ODF2L: variants seen among roughly 807,000 people sequenced by gnomAD.
ODF2L encodes protein BCAP.
ODF2L carries 76 observed loss-of-function variants against 86.3 expected under a neutral mutation model. That is an observed-to-expected ratio of 0.88 (90% CI 0.73 to 1.07). ODF2L has a LOEUF of 1.07. Ranked by LOEUF, ODF2L falls within the 50% of genes least tolerant of loss-of-function variation. ODF2L has a pLI of 0.00. For synonymous variants in ODF2L, 241 were observed against 231.3 expected (o/e 1.04, Z -0.38); for missense variants, 748 against 717.4 (o/e 1.04, Z -0.49).
intron 3 of ODF2L, among the ~76,000 whole-genome samples, chr1:86,385,113 T>C (rs1359304127): frequency 6.6e-6 from 1 of 151,968 alleles, no homozygotes; most frequent in Non-Finnish European, 1.5e-5. Context: ...AAAATAGTTA[T>C]CTACTCCAAA....
intron 16 of ODF2L, among the ~76,000 whole-genome samples, chr1:86,353,291 T>G (rs981488364): frequency 1.4e-4 from 22 of 152,176 alleles, no homozygotes; most frequent in Admixed American, 1.2e-3. Context: ...ATTACCATTT[T>G]TATAGCATTT....
At chr1:86,383,947 A>G (rs534004089) in intron 4 of ODF2L, among the ~76,000 whole-genome samples, 1 of 151,948 alleles carries the variant, frequency 6.6e-6, no homozygotes, top group South Asian at 2.1e-4. Flanking sequence ...CCACGTATAT[A>G]TGCACACGTA....
At chr1:86,380,648 C>A (rs1445874908) in intron 7 of ODF2L, among the ~76,000 whole-genome samples, 1 of 152,108 alleles carries the variant, frequency 6.6e-6, no homozygotes, top group Non-Finnish European at 1.5e-5. Flanking sequence ...TTAAAAATAA[C>A]CTCTCATTTG....
At chr1:86,372,503 G>T in exon 9 of ODF2L, 1 of 1,525,424 alleles carries the variant, frequency 6.6e-7, no homozygotes, top group Non-Finnish European at 8.8e-7. Flanking sequence ...ACTTTTCCAG[G>T]CATTGGAAGC....
Position 86,385,596 on chromosome 1 carries a change from T to G in ODF2L, c.114-6A>C, listed in dbSNP as rs369357155. On this transcript the variant is annotated splice_polypyrimidine_tract_variant and splice_region_variant and intron_variant, in intron 2 of 17. Transcript: ENST00000317336. ...TTAGAATGTCCTGCTTCAGGCTAAT[T>G]ACAAATGCACATACAAAATTTAAGT... 6.2e-7 allele frequency: 1 copy of G among 1,606,630 alleles called. No homozygotes were observed. Among genetic ancestry groups the G allele is most frequent in the Admixed American group, 1.7e-5 (1 of 58,964 alleles).
chr1:86,356,380 G>A, intron 14 of ODF2L, 64 bp downstream of exon 13: 1 of 1,393,656 alleles, frequency 7.2e-7, no homozygotes, highest in Non-Finnish European at 9.8e-7. Context: ...GCCCTCAACT[G>A]GTGAAATCAT....
chr1:86,385,483 G>T, exon 3 of ODF2L: 5 of 1,588,932 alleles, frequency 3.1e-6, no homozygotes, highest in African/African-American at 1.3e-5. Context: ...CTTTTCAATG[G>T]TGTCCTTAAA....
intron 9 of ODF2L, among the ~76,000 whole-genome samples, chr1:86,371,606 T>C (rs1376534579): frequency 6.6e-6 from 1 of 152,196 alleles, no homozygotes; most frequent in Non-Finnish European, 1.5e-5. Flanking sequence ...AGAAAACACT[T>C]AAAATCAAAT....
chr1:86,354,480 G>A, intron 16 of ODF2L, 50 bp downstream of exon 15: 2 of 1,200,274 alleles, frequency 1.7e-6, no homozygotes, highest in South Asian at 1.4e-5. Flanking sequence ...TTAAAAAGAT[G>A]ACTCTTTGGT....
intron 11 of ODF2L, among the ~76,000 whole-genome samples, chr1:86,362,065 A>G (rs1659076000): frequency 6.6e-6 from 1 of 152,182 alleles, no homozygotes. Context: ...AAAAGACAAC[A>G]GCGGGAGGCG....
chr1:86,381,463 T>C (rs1157891668), intron 7 of ODF2L, among the ~76,000 whole-genome samples: 8 of 152,018 alleles, frequency 5.3e-5, no homozygotes, highest in Admixed American at 3.9e-4. Flanking sequence ...AACTCGAGTA[T>C]GGTTTTGAAA....
intron 13 of ODF2L, chr1:86,357,847 C>T: frequency 1.0e-6 from 1 of 985,274 alleles, no homozygotes; most frequent in South Asian, 4.7e-5. Context: ...GTCATTTGAA[C>T]AGGATTGTAA....
exon 12 of ODF2L, chr1:86,360,477 C>A: frequency 6.2e-7 from 1 of 1,603,686 alleles, no homozygotes; most frequent in Non-Finnish European, 8.5e-7. Flanking sequence ...CTACTTCTTG[C>A]AATTCTGAGA....
chr1:86,355,077 A>G (rs1558005423), intron 14 of ODF2L: 1 of 544,084 alleles, frequency 1.8e-6, no homozygotes, highest in Non-Finnish European at 3.2e-6. Context: ...TTGGAAAATA[A>G]CCAACTAAAA....
chr1:86,352,119 C>CA (rs1658177835), exon 18 of ODF2L: 1 of 1,463,488 alleles, frequency 6.8e-7, no homozygotes. Context: ...TTGTGCATGC[C>CA]AAAAATCATT....
chr1:86,363,436 G>C (rs1420575273), intron 11 of ODF2L, among the ~76,000 whole-genome samples: 1 of 152,084 alleles, frequency 6.6e-6, no homozygotes, highest in Non-Finnish European at 1.5e-5. Flanking sequence ...GGAGAGATTT[G>C]TTTTAAAATT....
Position 86,385,591 on chromosome 1 carries a change from C to A in ODF2L, c.114-1G>T, listed in dbSNP as rs146507461. 2 of 1,608,422 alleles carry A rather than the reference C, an allele frequency of 1.2e-6. No individual in the cohort carries two copies. The highest frequency in any genetic ancestry group is 2.2e-5 in the South Asian group (2 of 90,446). ...TTCATTTAGAATGTCCTGCTTCAGG[C>A]TAATTACAAATGCACATACAAAATT... On this transcript the variant is annotated splice_acceptor_variant, in intron 2 of 17. Transcript: ENST00000317336. LOFTEE classifies it high-confidence loss of function.
At position 86,390,223 on chromosome 1, in the gene ODF2L, C is replaced by A. The variant is rs545559463; in HGVS notation, c.-59-3137G>T. Among the ~76,000 whole-genome samples the A allele has an allele frequency of 2.0e-5, 3 of 152,258 alleles. No homozygotes were observed. The South Asian group carries it at 6.2e-4, about 32-fold the overall frequency. The stretch of plus-strand genomic sequence containing the variant: ...GGATCGTGAGGTCAGGAGTTCAAGA[C>A]CAGCCTGGCCAAGATGGTGAAACTC... On this transcript the variant is annotated intron_variant, in intron 1 of 17. Coordinates refer to ENST00000317336, the Ensembl canonical transcript of ODF2L.
intron 11 of ODF2L, among the ~76,000 whole-genome samples, chr1:86,366,417 CACACACACACACACACAT>C (rs1410961790): frequency 1.9e-4 from 27 of 143,498 alleles, no homozygotes; most frequent in African/African-American, 5.7e-4. Context: ...CACACACACA[CACACACACACACACACAT>C]ACACATACAC....
Sources: allele counts gnomAD v4.1 joint callset (sites outside exome capture counted in the v4.1 genomes callset), GRCh38; gene constraint gnomAD v4.1.1; transcripts MANE v1.5; gene names NCBI Gene and HGNC (gene_info 2026-07-23, HGNC 2026-07-21).